The following ATP8B4 variants were observed in gnomAD, a reference collection of about 807,000 sequenced individuals.
The protein encoded by ATP8B4 is ATPase phospholipid transporting 8B4 (putative), also known as probable phospholipid-transporting ATPase IM.
Under a neutral mutation model 145.6 loss-of-function variants are expected in ATP8B4, and 133 were observed. The observed-to-expected ratio is 0.91, with a 90% CI of 0.79 to 1.05. The LOEUF (loss-of-function observed/expected upper bound fraction) is 1.05, where lower values mean the gene tolerates loss of function less well. Ranked by LOEUF, ATP8B4 falls within the 50% of genes least tolerant of loss-of-function variation. The probability of loss-of-function intolerance (pLI) is 0.00; values close to 1 mark genes in which losing one functional copy is unlikely to be tolerated. For synonymous variants in ATP8B4, 507 were observed against 492.9 expected (o/e 1.03, Z -0.38); for missense variants, 1,458 against 1,425.2 (o/e 1.02, Z -0.37).
intron 9 of ATP8B4, among the ~76,000 whole-genome samples, chr15:49,994,988 A>G (rs912883903): frequency 6.6e-6 from 1 of 152,108 alleles, no homozygotes; most frequent in African/African-American, 2.4e-5. Flanking sequence ...TAGTCCAGAT[A>G]CTGTGGCTCC....
chr15:50,002,963 T>G (rs1318911928), intron 7 of ATP8B4, among the ~76,000 whole-genome samples: 2 of 152,200 alleles, frequency 1.3e-5, no homozygotes, highest in African/African-American at 4.8e-5. Context: ...ATTGGCAAAG[T>G]GCTTATTGAT....
intron 6 of ATP8B4, among the ~76,000 whole-genome samples, chr15:50,025,499 T>C (rs1185557052): frequency 2.0e-5 from 3 of 152,168 alleles, no homozygotes; most frequent in South Asian, 2.1e-4. Flanking sequence ...CTGGAATTCT[T>C]CTCATCCCAT....
intron 15 of ATP8B4, among the ~76,000 whole-genome samples, chr15:49,933,126 G>A (rs2041414174): frequency 1.3e-5 from 2 of 151,640 alleles, no homozygotes; most frequent in Admixed American, 1.3e-4. Flanking sequence ...AAAGTAAAAT[G>A]GTCAGCTCAC....
intron 2 of ATP8B4, among the ~76,000 whole-genome samples, chr15:50,103,621 T>C (rs2056503489): frequency 6.6e-6 from 1 of 152,084 alleles, no homozygotes; most frequent in South Asian, 2.1e-4. Context: ...TGCTCATGGA[T>C]GGGTAGAATC....
At chr15:50,144,834 C>T (rs1333045385) in intron 1 of ATP8B4, among the ~76,000 whole-genome samples, 1 of 152,190 alleles carries the variant, frequency 6.6e-6, no homozygotes, top group Admixed American at 6.5e-5. Flanking sequence ...TCCTTCAGCA[C>T]CTTTTTCAAA....
At position 49,859,934 on chromosome 15, in the gene ATP8B4, T is replaced by TAAA; in HGVS notation, c.*257_*259dup. On this transcript the variant is annotated 3_prime_UTR_variant, in exon 28 of 28. Transcript: ENST00000284509. ...AGGTCAATTGGTATCTAGGTTGATT[T>TAAA]AAAAAAAAAAAAAATCTGTACTTGT... The TAAA allele has an allele frequency of 8.4e-6, 3 of 358,668 alleles. No homozygotes were observed. The highest frequency in any genetic ancestry group is 2.2e-5 in the African/African-American group (1 of 46,482). 22.2% of individuals were successfully genotyped at this position (358,668 alleles called of 1,614,324 possible).
At chr15:50,137,633 G>A (rs1372919163) in intron 1 of ATP8B4, among the ~76,000 whole-genome samples, 4 of 152,158 alleles carry the variant, frequency 2.6e-5, no homozygotes, top group South Asian at 2.1e-4. Context: ...AAACAACCAC[G>A]GCACAAGACT....
intron 21 of ATP8B4, among the ~76,000 whole-genome samples, chr15:49,899,523 T>C (rs891673979): frequency 6.6e-6 from 1 of 152,170 alleles, no homozygotes; most frequent in Non-Finnish European, 1.5e-5. Flanking sequence ...AAAATTCTCA[T>C]GTTCAAACCT....
At chr15:49,931,500 T>C (rs17495375) in intron 15 of ATP8B4, among the ~76,000 whole-genome samples, 193 bp from the exon 16 acceptor site, 7,231 of 152,140 alleles carry the variant, frequency 0.048, 207 homozygotes, top group South Asian at 0.098. Context: ...TAGGACTCTA[T>C]GCATATCACT....
chr15:50,143,176 T>C, intron 1 of ATP8B4, among the ~76,000 whole-genome samples: 1 of 152,368 alleles, frequency 6.6e-6, no homozygotes, highest in East Asian at 1.9e-4. Context: ...TTGTATTATC[T>C]ATTGCTGTGT....
intron 1 of ATP8B4, among the ~76,000 whole-genome samples, chr15:50,149,772 A>G (rs2044323664): frequency 6.6e-6 from 1 of 152,192 alleles, no homozygotes; most frequent in Non-Finnish European, 1.5e-5. Flanking sequence ...AGGGCAGTAA[A>G]GGAAGACAAA....
chr15:49,987,278 C>T, intron 10 of ATP8B4, 113 bp downstream of exon 10: 3 of 1,292,932 alleles, frequency 2.3e-6, no homozygotes, highest in Non-Finnish European at 3.1e-6. Flanking sequence ...CAGAGCACGA[C>T]TTTGCATGGA....
intron 23 of ATP8B4, among the ~76,000 whole-genome samples, chr15:49,882,070 G>T (rs1187930922): frequency 6.6e-6 from 1 of 152,200 alleles, no homozygotes. Context: ...CTGCTGGGAG[G>T]CTGCCTTTGG....
intron 1 of ATP8B4, among the ~76,000 whole-genome samples, chr15:50,164,273 C>A (rs1426023424): frequency 1.3e-5 from 2 of 152,200 alleles, no homozygotes; most frequent in African/African-American, 4.8e-5. Context: ...TGAGTCTCAC[C>A]CAAGGCCCAC....
intron 1 of ATP8B4, among the ~76,000 whole-genome samples, chr15:50,172,565 C>T (rs2044693904): frequency 1.3e-5 from 2 of 152,176 alleles, no homozygotes; most frequent in African/African-American, 4.8e-5. Context: ...CGGCCGCCAC[C>T]CCATCTGGGA....
chr15:50,018,526 C>T (rs922938864), intron 6 of ATP8B4, among the ~76,000 whole-genome samples: 18 of 152,060 alleles, frequency 1.2e-4, no homozygotes, highest in African/African-American at 4.3e-4. Context: ...CTTCTGATAC[C>T]CGGAGTATAT....
rs536161620 is a variant in ATP8B4 at position 49,985,321 on chromosome 15, C to A, written c.748+2070G>T. Among the ~76,000 whole-genome samples, 3 of 152,254 alleles carry A rather than the reference C, an allele frequency of 2.0e-5. No homozygotes were observed. In the South Asian group the frequency reaches 6.2e-4, roughly 32 times the overall value. On this transcript the variant is annotated intron_variant, in intron 10 of 27. Transcript: ENST00000284509. The stretch of plus-strand genomic sequence containing the variant: ...CCATGTTAGCCAGGATGGTCTCAAT[C>A]TCCTGACCTCGTGATCCACCCGCCT...
chr15:49,945,055 A>G (rs2042454197), intron 14 of ATP8B4, among the ~76,000 whole-genome samples: 1 of 152,194 alleles, frequency 6.6e-6, no homozygotes, highest in African/African-American at 2.4e-5. Flanking sequence ...AAGCAGTACT[A>G]AGGAGGAAGT....
chr15:50,036,784 A>C (rs2050872112), intron 6 of ATP8B4, among the ~76,000 whole-genome samples: 1 of 152,206 alleles, frequency 6.6e-6, no homozygotes. Flanking sequence ...GGTTGTGGAT[A>C]ATCTCTCAAA....
Sources: allele counts gnomAD v4.1 joint callset (sites outside exome capture counted in the v4.1 genomes callset), GRCh38; gene constraint gnomAD v4.1.1; transcripts MANE v1.5; gene names NCBI Gene and HGNC (gene_info 2026-07-23, HGNC 2026-07-21).